RGPD3: variants seen among roughly 807,000 people sequenced by gnomAD.
RGPD3 encodes ranBP2-like and GRIP domain-containing protein 3.
In RGPD3, 62 loss-of-function variants were observed where a neutral mutation model predicts 154.5. The ratio of observed to expected loss-of-function variants is 0.40; its 90% confidence interval spans 0.33 to 0.50. The LOEUF (loss-of-function observed/expected upper bound fraction) is 0.50, where lower values mean the gene tolerates loss of function less well. Ranked by LOEUF, RGPD3 falls within the 20% of genes least tolerant of loss-of-function variation. The probability of loss-of-function intolerance (pLI) is 0.59; values close to 1 mark genes in which losing one functional copy is unlikely to be tolerated. For missense variants in RGPD3, 919 were observed against 1,716.8 expected (o/e 0.54, Z 8.21); for synonymous variants, 308 against 607.0 (o/e 0.51, Z 7.24).
intron 1 of RGPD3, among the ~76,000 whole-genome samples, chr2:106,467,632 C>T (rs1474433180): frequency 2.1e-5 from 3 of 140,650 alleles, no homozygotes; most frequent in Non-Finnish European, 3.1e-5. Context: ...TCGAGGCAGC[C>T]GCCTCCACAG....
intron 1 of RGPD3, among the ~76,000 whole-genome samples, chr2:106,465,283 G>A (rs980081279): frequency 2.0e-5 from 3 of 152,044 alleles, no homozygotes; most frequent in Non-Finnish European, 4.4e-5. Context: ...TCACAGAATA[G>A]CTTCACATGT....
At chr2:106,470,809 A>G (rs1327045285), upstream of RGPD3, 7 of 1,602,316 alleles carry the variant, frequency 4.4e-6, no homozygotes, top group Admixed American at 1.8e-5. Context: ...ACCTCGTCCA[A>G]TGATCCAAGG....
At chr2:106,447,925 G>T (rs1469771002) in intron 6 of RGPD3, among the ~76,000 whole-genome samples, 1 of 151,874 alleles carries the variant, frequency 6.6e-6, no homozygotes, top group East Asian at 1.9e-4. Flanking sequence ...CCAGGATAAA[G>T]TTGGGAGACT....
At chr2:106,415,743 T>C in intron 21 of RGPD3, 107 bp downstream of exon 21, 1 of 1,390,812 alleles carries the variant, frequency 7.2e-7, no homozygotes, top group Non-Finnish European at 1.0e-6. Context: ...GATCAAGACG[T>C]TATAGATGCA....
intron 6 of RGPD3, among the ~76,000 whole-genome samples, chr2:106,451,706 G>A (rs1678129537): frequency 1.3e-5 from 2 of 151,276 alleles, no homozygotes; most frequent in African/African-American, 2.4e-5. Context: ...TGGAGACACT[G>A]GTTTTCAAAA....
rs1490784276 is a variant in RGPD3, at chr2:106,423,784, T to C, written c.4183A>G (p.Ile1395Val). ...LQNYDNKHVR[I>V]LMRRDQVLKL... ...AATACTTGGTCCCTTCTCATCAGTA[T>C]ACGAACGTGCTTATTATCATAATTC... The change falls in exon 20 of 23, where the codon ATA (isoleucine) becomes GTA (valine). Residue 1395 changes from isoleucine (I) to valine (V), a missense_variant. Ile to Val is a conservative substitution (Grantham distance 29, BLOSUM62 3). Coordinates refer to ENST00000409886, the MANE Select transcript of RGPD3 (RefSeq NM_001144013.2). The C allele has an allele frequency of 6.2e-7, 1 of 1,611,914 alleles. No homozygotes were observed. The highest frequency in any genetic ancestry group is 8.5e-7 in the Non-Finnish European group (1 of 1,179,884).
intron 7 of RGPD3, among the ~76,000 whole-genome samples, chr2:106,446,314 T>C (rs372597702): frequency 7.3e-6 from 1 of 137,488 alleles, no homozygotes; most frequent in African/African-American, 2.7e-5. Flanking sequence ...CGCCTGTAAA[T>C]CCCAGCACTC....
chr2:106,422,797 T>C (rs1677036805), intron 20 of RGPD3, among the ~76,000 whole-genome samples: 1 of 151,384 alleles, frequency 6.6e-6, no homozygotes, highest in African/African-American at 2.4e-5. Context: ...CTGTACCAAG[T>C]TCTTTTGCTC....
In RGPD3 at chr2:106,410,668, T is replaced by C. The variant is rs190871779; in HGVS notation, c.5266+2416A>G. Among the ~76,000 whole-genome samples, 840 of 152,314 alleles carry C rather than the reference T, an allele frequency of 5.5e-3. 12 individuals are homozygous for C. Among genetic ancestry groups the C allele is most frequent in the African/African-American group, 0.018 (768 of 41,580 alleles). On this transcript the variant is annotated intron_variant, in intron 22 of 22. Coordinates refer to ENST00000409886, the MANE Select transcript of RGPD3 (RefSeq NM_001144013.2). ...AATTTTATAACTATAAAATTAGTTATAATTTTGAGATTTCTGTCTTGCTTT... is the reference window on the plus strand; with the variant it reads ...AATTTTATAACTATAAAATTAGTTACAATTTTGAGATTTCTGTCTTGCTTT...
In RGPD3 at chr2:106,451,399, A is replaced by C. The variant is rs1265273861; in HGVS notation, c.782+806T>G. Reference sequence around the variant, plus strand: ...AGATGGGGAAATAAATTAACTTCCAAACAAATGGACAGCCTAAACTAGCAA... The same window carrying C: ...AGATGGGGAAATAAATTAACTTCCACACAAATGGACAGCCTAAACTAGCAA... On this transcript the variant is annotated intron_variant, in intron 6 of 22. Coordinates refer to ENST00000409886, the MANE Select transcript of RGPD3 (RefSeq NM_001144013.2). Among the ~76,000 whole-genome samples, 400 of 148,046 alleles carry C rather than the reference A, an allele frequency of 2.7e-3. 2 individuals are homozygous for C. The highest frequency in any genetic ancestry group is 9.8e-3 in the African/African-American group (392 of 39,988).
At chr2:106,415,131 CTACTT>C (rs1676786108) in intron 21 of RGPD3, among the ~76,000 whole-genome samples, 1 of 150,936 alleles carries the variant, frequency 6.6e-6, no homozygotes, top group East Asian at 2.0e-4. Context: ...TTTCTGGTGT[CTACTT>C]TAAACAGGAA....
intron 1 of RGPD3, among the ~76,000 whole-genome samples, chr2:106,464,141 C>A (rs570977455): frequency 2.0e-5 from 3 of 151,870 alleles, no homozygotes; most frequent in Admixed American, 1.3e-4. Context: ...GTCAGGAGAT[C>A]GAGACTATCC....
intron 22 of RGPD3, among the ~76,000 whole-genome samples, chr2:106,409,862 T>C (rs1558831631): frequency 6.8e-6 from 1 of 146,922 alleles, no homozygotes; most frequent in African/African-American, 2.5e-5. Flanking sequence ...TGAACTATCT[T>C]GTAGTTTACT....
chr2:106,467,713 C>T (rs1335618463), intron 1 of RGPD3, among the ~76,000 whole-genome samples: 1 of 142,438 alleles, frequency 7.0e-6, no homozygotes, highest in Admixed American at 6.9e-5. Context: ...CGGGCCAGGT[C>T]GAGGCCGCCG....
intron 21 of RGPD3, among the ~76,000 whole-genome samples, 175 bp downstream of exon 21, chr2:106,415,674 CA>C (rs879163469): frequency 0.19 from 8,533 of 44,604 alleles, 205 homozygotes; most frequent in South Asian, 0.28. Flanking sequence ...AAGACTGTCT[CA>C]AAAAAAAAAA....
At chr2:106,465,580 T>C (rs1207590691) in intron 1 of RGPD3, among the ~76,000 whole-genome samples, 24 of 148,938 alleles carry the variant, frequency 1.6e-4, no homozygotes, top group Non-Finnish European at 7.4e-5. Flanking sequence ...TTTAAGCTTG[T>C]TTAAAAAAAA....
intron 7 of RGPD3, 145 bp from the exon 8 acceptor site, chr2:106,441,525 A>G: frequency 2.3e-6 from 3 of 1,292,958 alleles, no homozygotes; most frequent in Non-Finnish European, 2.1e-6. Context: ...GACTGCAAAA[A>G]CTGGGAACCA....
chr2:106,415,902 C>A lies in RGPD3; in HGVS notation c.5012G>T (p.Gly1671Val), dbSNP rs780502324. ...GGTTGCCTCTATTTCCCGAAGCAGG[C>A]CGTTTAAGTGATCTGCACTTTTTGT... ...STTKSADHLN[G>V]LLREIEATNA... The change falls in exon 21 of 23, where the codon GGC becomes GTC. Residue 1671 changes from glycine to valine, a missense_variant. Transcript: ENST00000409886. 17 of 1,611,740 alleles carry A rather than the reference C, an allele frequency of 1.1e-5. No individual in the cohort carries two copies. Among genetic ancestry groups the A allele is most frequent in the Non-Finnish European group, 1.4e-5 (17 of 1,179,850 alleles).
intron 21 of RGPD3, among the ~76,000 whole-genome samples, chr2:106,413,609 G>A (rs1676737441): frequency 6.6e-6 from 1 of 152,218 alleles, no homozygotes; most frequent in African/African-American, 2.4e-5. Context: ...AAGCTATTTG[G>A]GGTTGGAAGG....
Sources: allele counts gnomAD v4.1 joint callset (sites outside exome capture counted in the v4.1 genomes callset), GRCh38; gene constraint gnomAD v4.1.1; transcripts MANE v1.5; gene names NCBI Gene and HGNC (gene_info 2026-07-23, HGNC 2026-07-21).